The following KIF1A variants were observed in gnomAD, a reference collection of about 807,000 sequenced individuals.
The protein encoded by KIF1A is kinesin family member 1A.
KIF1A carries 46 observed loss-of-function variants against 227.3 expected under a neutral mutation model. The ratio of observed to expected loss-of-function variants is 0.20; its 90% CI spans 0.16 to 0.26. The LOEUF (loss-of-function observed/expected upper bound fraction) is 0.26, where lower values mean the gene tolerates loss of function less well. KIF1A is among the 10% of genes least tolerant of loss of function. The pLI, the probability that KIF1A is intolerant of heterozygous loss-of-function variation, is 1.00. For synonymous variants in KIF1A, 1,022 were observed against 1,012.8 expected (o/e 1.01, Z -0.17); for missense variants, 1,683 against 2,485.9 (o/e 0.68, Z 6.87).
At position 240,740,375 on chromosome 2, in the gene KIF1A, G is replaced by A. The variant is rs550815428; in HGVS notation, c.3750-11C>T. ...ACGGCCGGGATGTAACTGGAAGAGA[G>A]AGACACATGTGAGGAGCGGCCAGCC... On this transcript the variant is annotated splice_polypyrimidine_tract_variant and intron_variant, in intron 35 of 48. Transcript: ENST00000498729. This position sits in a 1 kb window ranked among gnomAD's most constrained non-coding sequence, Gnocchi z 6.1. 10 of 1,613,010 alleles carry A rather than the reference G, an allele frequency of 6.2e-6. No individual in the cohort carries two copies. The South Asian group carries it at 6.6e-5, about 11-fold the overall frequency.
In KIF1A at chr2:240,721,901, C is replaced by T. The variant is rs372562861; in HGVS notation, c.4666-17G>A. ...GCGCAAGCACTGTGGACAGAGCACA[C>T]GCGTGGTCAGGGGCCAGGCCTCCCG... On this transcript the variant is annotated splice_polypyrimidine_tract_variant and intron_variant, in intron 43 of 48. Coordinates refer to ENST00000498729, the MANE Select transcript of KIF1A (RefSeq NM_001244008.2). 9.2e-5 allele frequency: 147 copies of T among 1,594,538 alleles called. No homozygotes were observed. The highest frequency in any genetic ancestry group is 1.7e-4 in the South Asian group (15 of 88,848).
rs1350940887 is a variant in KIF1A at position 240,766,903 on chromosome 2, G to A, written c.1684+12C>T. 1.9e-6 allele frequency: 3 copies of A among 1,583,180 alleles called. No individual in the cohort carries two copies. In the Admixed American group the frequency reaches 5.2e-5, roughly 27 times the overall value. On this transcript the variant is annotated intron_variant, in intron 19 of 48. Transcript: ENST00000498729. This position sits in a 1 kb window ranked among gnomAD's most constrained non-coding sequence, Gnocchi z 5.0. The stretch of plus-strand genomic sequence containing the variant: ...GGCATGGGTGCGGGTAGGGACGGTA[G>A]GGTGGTGATACCTTCGCTGCCTCCC...
Position 240,752,011 on chromosome 2 carries a change from C to T in KIF1A, c.2859-1464G>A, listed in dbSNP as rs148732900. ...CCCTGCTAAGCTGAGACCTCACCAA[C>T]GCCCTCACTGCAAAATGGCCCAGGC... On this transcript the variant is annotated intron_variant, in intron 27 of 48. Coordinates refer to ENST00000498729, the MANE Select transcript of KIF1A (RefSeq NM_001244008.2). The surrounding 1 kb of genome is among the most constrained non-coding windows in gnomAD (Gnocchi z 6.4). 8.8e-3 allele frequency among the ~76,000 whole-genome samples: 1,336 copies of T among 152,248 alleles called. 26 individuals are homozygous for T. The highest frequency in any genetic ancestry group is 0.031 in the African/African-American group (1,284 of 41,548).
At chr2:240,741,487 G>A in intron 34 of KIF1A, 110 bp from the exon 35 acceptor site, 1 of 772,636 alleles carries the variant, frequency 1.3e-6, no homozygotes, top group Non-Finnish European at 2.0e-6. Flanking sequence ...AGGCAGCAAG[G>A]GCACCTCCCC....
At chr2:240,771,577 T>C (rs2051997705) in intron 14 of KIF1A, among the ~76,000 whole-genome samples, 1 of 152,142 alleles carries the variant, frequency 6.6e-6, no homozygotes, top group Non-Finnish European at 1.5e-5. Flanking sequence ...TCCCTGCATC[T>C]TCCCACCCTG....
At chr2:240,763,985 C>A (rs1415191725) in intron 20 of KIF1A, among the ~76,000 whole-genome samples, 1 of 152,202 alleles carries the variant, frequency 6.6e-6, no homozygotes, top group African/African-American at 2.4e-5. Context: ...GCTGGACCCC[C>A]CTCAGGGCTG....
At chr2:240,733,339 A>C (rs1264695738) in intron 38 of KIF1A, among the ~76,000 whole-genome samples, 2 of 152,078 alleles carry the variant, frequency 1.3e-5, no homozygotes, top group African/African-American at 4.8e-5. Flanking sequence ...GCACGATGCC[A>C]TCTCCTCCTC....
intron 2 of KIF1A, among the ~76,000 whole-genome samples, chr2:240,791,500 C>A (rs1212360286): frequency 9.5e-6 from 1 of 105,326 alleles, no homozygotes; most frequent in Non-Finnish European, 2.1e-5. Context: ...CTGGCCCCAT[C>A]CCCACACCCC....
At chr2:240,767,406 AC>A (rs2051347018) in intron 17 of KIF1A, 61 bp from the exon 18 acceptor site, 2 of 1,371,270 alleles carry the variant, frequency 1.5e-6, no homozygotes, top group Non-Finnish European at 2.1e-6. Flanking sequence ...TGCTGGCCAC[AC>A]CCCCCTCCAA....
intron 38 of KIF1A, chr2:240,728,450 A>G: frequency 7.0e-6 from 9 of 1,276,718 alleles, no homozygotes; most frequent in Non-Finnish European, 9.3e-6. Context: ...ACGTACACAT[A>G]CAGAAGAAAT....
At chr2:240,777,110 C>T (rs190664643) in intron 10 of KIF1A, among the ~76,000 whole-genome samples, 1 of 152,190 alleles carries the variant, frequency 6.6e-6, no homozygotes, top group African/African-American at 2.4e-5. Context: ...GTGGCACGAT[C>T]GCGGCTCACT....
At chr2:240,808,059 G>T (rs1243778528) in intron 1 of KIF1A, among the ~76,000 whole-genome samples, 1 of 152,178 alleles carries the variant, frequency 6.6e-6, no homozygotes, top group Non-Finnish European at 1.5e-5. Flanking sequence ...ATGGTAAAAT[G>T]ATAGGAACAT....
chr2:240,781,462 TCC>T (rs2053981655), intron 10 of KIF1A, among the ~76,000 whole-genome samples: 1 of 5,648 alleles, frequency 1.8e-4, no homozygotes, highest in Non-Finnish European at 3.3e-4. Context: ...CACACACAGC[TCC>T]ACACACACAC....
chr2:240,756,008 A>C (rs2049803530), intron 27 of KIF1A, among the ~76,000 whole-genome samples: 1 of 152,130 alleles, frequency 6.6e-6, no homozygotes, highest in South Asian at 2.1e-4. Context: ...AGGCCAGCTT[A>C]TCTCACCTCA....
At chr2:240,780,830 CCACA>C (rs772178620) in intron 10 of KIF1A, among the ~76,000 whole-genome samples, 1 of 10,070 alleles carries the variant, frequency 9.9e-5, no homozygotes, top group Non-Finnish European at 1.8e-4. Context: ...ACACACAGCT[CCACA>C]CACACACACA....
chr2:240,784,290 G>C (rs578117141), intron 7 of KIF1A, among the ~76,000 whole-genome samples: 1 of 152,260 alleles, frequency 6.6e-6, no homozygotes, highest in African/African-American at 2.4e-5. Context: ...CCGCAGTCTG[G>C]GGTGGGAGGC....
At chr2:240,787,382 C>T (rs1358990639) in intron 4 of KIF1A, 66 bp from the exon 5 acceptor site, 8 of 1,416,372 alleles carry the variant, frequency 5.6e-6, no homozygotes, top group South Asian at 3.4e-5. Flanking sequence ...CTGCCCCTTG[C>T]GATACTGTGG....
chr2:240,761,166 C>T (rs2050479289), intron 24 of KIF1A, 63 bp downstream of exon 24: 1 of 1,539,072 alleles, frequency 6.5e-7, no homozygotes, highest in South Asian at 1.2e-5. Flanking sequence ...GTAGCTGTCC[C>T]CGTCATGAGT....
chr2:240,818,406 G>T (rs927880057), intron 1 of KIF1A, among the ~76,000 whole-genome samples: 1 of 152,134 alleles, frequency 6.6e-6, no homozygotes, highest in African/African-American at 2.4e-5. Flanking sequence ...CCTGGGTCTT[G>T]ACTCCAACCA....
Sources: allele counts gnomAD v4.1 joint callset (sites outside exome capture counted in the v4.1 genomes callset), GRCh38; gene constraint gnomAD v4.1.1; non-coding constraint Gnocchi (gnomAD v3.1); transcripts MANE v1.5; gene names NCBI Gene and HGNC (gene_info 2026-07-23, HGNC 2026-07-21).